PKHD1: variants seen among roughly 807,000 people sequenced by gnomAD.
The protein encoded by PKHD1 is PKHD1 ciliary IPT domain containing fibrocystin/polyductin, also known as fibrocystin.
Under a neutral mutation model 412.0 loss-of-function variants are expected in PKHD1, and 291 were observed. The observed-to-expected ratio is 0.71, with a 90% CI of 0.64 to 0.78. The LOEUF (loss-of-function observed/expected upper bound fraction) is 0.78, where lower values mean the gene tolerates loss of function less well. PKHD1 is among the 30% of genes least tolerant of loss of function. The probability of loss-of-function intolerance (pLI) is 0.00; values close to 1 mark genes in which losing one functional copy is unlikely to be tolerated. For synonymous variants in PKHD1, 1,777 were observed against 1,821.5 expected (o/e 0.98, Z 0.62); for missense variants, 4,825 against 4,950.7 (o/e 0.97, Z 0.76).
chr6:51,918,468 G>C (rs754284597), intron 37 of PKHD1, among the ~76,000 whole-genome samples: 4 of 152,096 alleles, frequency 2.6e-5, no homozygotes, highest in Non-Finnish European at 4.4e-5. Context: ...TCTTGTGTTA[G>C]TTTGCTGAGA....
At chr6:51,625,154 T>A (rs950689060) in intron 66 of PKHD1, among the ~76,000 whole-genome samples, 11 of 152,174 alleles carry the variant, frequency 7.2e-5, no homozygotes, top group African/African-American at 2.4e-4. Context: ...AATCTAGTAG[T>A]CATGCTCAGT....
At chr6:51,670,794 C>G (rs1312584959) in intron 60 of PKHD1, among the ~76,000 whole-genome samples, 2 of 150,692 alleles carry the variant, frequency 1.3e-5, no homozygotes, top group African/African-American at 4.8e-5. Context: ...TTTTATTTCT[C>G]CTTCACTGAT....
rs138319690 is a variant in PKHD1 at position 52,002,327 on chromosome 6, G to C, written c.5751+7982C>G. ...TTGTAGTCAGACAGGGACATTGCTG[G>C]AATTAGAAGAGAGGCCCCAGGAGTC... On this transcript the variant is annotated intron_variant, in intron 35 of 66. Coordinates refer to ENST00000371117, the MANE Select transcript of PKHD1 (RefSeq NM_138694.4). Among the ~76,000 whole-genome samples the C allele has an allele frequency of 7.9e-3, 1,209 of 152,278 alleles. 16 individuals are homozygous for C. Among genetic ancestry groups the C allele is most frequent in the African/African-American group, 0.027 (1,124 of 41,562 alleles).
chr6:52,070,037 G>A (rs565538941), intron 10 of PKHD1, among the ~76,000 whole-genome samples: 3 of 152,292 alleles, frequency 2.0e-5, no homozygotes, highest in African/African-American at 7.2e-5. Context: ...GTGATAAAAT[G>A]TGGACCCCTT....
intron 26 of PKHD1, 125 bp from the exon 27 acceptor site, chr6:52,043,259 G>A (rs1805226602): frequency 2.7e-6 from 2 of 736,852 alleles, no homozygotes; most frequent in South Asian, 1.9e-5. Context: ...AAAATTCAAG[G>A]AGCTGAATGC....
chr6:52,059,581 G>A (rs1320588384), intron 15 of PKHD1, among the ~76,000 whole-genome samples: 5 of 151,840 alleles, frequency 3.3e-5, no homozygotes, highest in Non-Finnish European at 7.4e-5. Flanking sequence ...ATTTCTTCAT[G>A]TGGAAAAGAT....
At chr6:52,022,562 T>C (rs2128137928) in intron 33 of PKHD1, among the ~76,000 whole-genome samples, 1 of 152,260 alleles carries the variant, frequency 6.6e-6, no homozygotes, top group South Asian at 2.1e-4. Flanking sequence ...AGGTGATAAG[T>C]GTTTCAATAT....
chr6:51,957,618 G>A lies in PKHD1; in HGVS notation c.5908+2252C>T, dbSNP rs553792498. Among the ~76,000 whole-genome samples the A allele has an allele frequency of 1.1e-3, 174 of 152,190 alleles. 2 individuals carry two copies. Among genetic ancestry groups the A allele is most frequent in the African/African-American group, 4.0e-3 (167 of 41,526 alleles). The stretch of plus-strand genomic sequence containing the variant: ...GATCCAGCCGACGGGGTTCACTGAT[G>A]GGGTGGTCATAGGAGGTGAAAGAAA... On this transcript the variant is annotated intron_variant, in intron 36 of 66. Coordinates refer to ENST00000371117, the MANE Select transcript of PKHD1 (RefSeq NM_138694.4).
At chr6:51,775,713 C>A (rs1790907250) in intron 54 of PKHD1, 95 bp downstream of exon 54, 1 of 710,556 alleles carries the variant, frequency 1.4e-6, no homozygotes, top group Non-Finnish European at 2.5e-6. Context: ...TGGAATTTAG[C>A]ATATGTTCTA....
chr6:51,734,824 A>G (rs945281412), intron 60 of PKHD1, among the ~76,000 whole-genome samples: 5 of 152,216 alleles, frequency 3.3e-5, no homozygotes, highest in Non-Finnish European at 7.3e-5. Context: ...TAGCCATCTT[A>G]TTAGGTATTA....
At position 52,026,200 on chromosome 6, in the gene PKHD1, A is replaced by G. The variant is rs1454445840; in HGVS notation, c.3629-19T>C. On this transcript the variant is annotated intron_variant, in intron 31 of 66. Coordinates refer to ENST00000371117, the MANE Select transcript of PKHD1 (RefSeq NM_138694.4). ...GTCCCTCCTAAAGTATGAATACGGA[A>G]AGCAAAATATTATAGCTGATATTCT... is the stretch of plus-strand genomic sequence containing the variant. 1 of 1,610,720 alleles carries G rather than the reference A, an allele frequency of 6.2e-7. No homozygotes were observed. The highest frequency in any genetic ancestry group is 1.1e-5 in the South Asian group (1 of 91,008).
chr6:51,891,811 C>T (rs995091793), intron 43 of PKHD1, among the ~76,000 whole-genome samples: 2 of 151,860 alleles, frequency 1.3e-5, no homozygotes, highest in South Asian at 2.1e-4. Flanking sequence ...AACCCAATAA[C>T]GCCCAATTCC....
chr6:52,005,225 C>A (rs938164427), intron 35 of PKHD1, among the ~76,000 whole-genome samples: 1 of 152,206 alleles, frequency 6.6e-6, no homozygotes, highest in Non-Finnish European at 1.5e-5. Flanking sequence ...AGCTGAGATG[C>A]TTCTACCTCT....
chr6:52,006,028 A>T (rs1045376744), intron 35 of PKHD1, among the ~76,000 whole-genome samples: 10 of 150,534 alleles, frequency 6.6e-5, no homozygotes, highest in Admixed American at 2.0e-4. Context: ...GGGAGGAAGC[A>T]ATGGAAAGAA....
chr6:51,663,312 T>C (rs1773166336), intron 60 of PKHD1, among the ~76,000 whole-genome samples: 1 of 152,136 alleles, frequency 6.6e-6, no homozygotes, highest in Non-Finnish European at 1.5e-5. Context: ...TCTCTGGCTT[T>C]GTTCTTCCTA....
intron 36 of PKHD1, among the ~76,000 whole-genome samples, chr6:51,946,112 A>C (rs1484524309): frequency 6.6e-6 from 1 of 152,232 alleles, no homozygotes; most frequent in African/African-American, 2.4e-5. Flanking sequence ...AAAATGTTAA[A>C]TACACTGAAA....
chr6:52,006,591 T>A (rs1581706890), intron 35 of PKHD1, among the ~76,000 whole-genome samples: 1 of 152,024 alleles, frequency 6.6e-6, no homozygotes, highest in South Asian at 2.1e-4. Flanking sequence ...TGGCCAGGCT[T>A]GTCTCGAACT....
chr6:51,685,401 G>A (rs1423069860), intron 60 of PKHD1, among the ~76,000 whole-genome samples: 3 of 151,954 alleles, frequency 2.0e-5, no homozygotes, highest in African/African-American at 4.8e-5. Context: ...CTGATTATAC[G>A]CTAAGAATAG....
chr6:51,909,257 A>C, intron 40 of PKHD1, 26 bp downstream of exon 40: 3 of 1,574,094 alleles, frequency 1.9e-6, no homozygotes, highest in Non-Finnish European at 2.6e-6. Context: ...GAAACATGAG[A>C]AAGTCCTAGG....
Sources: gnomAD v4.1 joint callset for allele counts (sites outside exome capture counted in the v4.1 genomes callset) on GRCh38, gnomAD v4.1.1 for gene constraint, MANE v1.5 for transcripts, NCBI Gene and HGNC (gene_info 2026-07-23, HGNC 2026-07-21) for gene names.